The following ZNF280C variants were observed in gnomAD, a reference collection of about 807,000 sequenced individuals.
ZNF280C encodes zinc finger protein 280C.
Under a neutral mutation model 53.6 loss-of-function variants are expected in ZNF280C, and 14 were observed. The observed-to-expected ratio is 0.26, with a 90% CI of 0.17 to 0.41. The LOEUF is 0.41. ZNF280C is among the 10% of genes least tolerant of loss of function. The pLI is 1.00. For missense variants in ZNF280C, 416 were observed against 547.1 expected, an observed-to-expected ratio of 0.76 and a Z score of 2.39; for synonymous variants, 203 against 181.1, an observed-to-expected ratio of 1.12 and a Z score of -0.97.
At chrX:130,260,237 A>C (rs1569441309) in intron 2 of ZNF280C, among the ~76,000 whole-genome samples, 182 bp downstream of exon 2, 1 of 111,383 alleles carries the variant, frequency 9.0e-6, no homozygotes, top group Non-Finnish European at 1.9e-5. Context: ...AGCTGAGATC[A>C]TGCCACTGCA....
In ZNF280C at chrX:130,217,618, T is replaced by G. The variant is rs756234148; in HGVS notation, c.1528-1517A>C. Among the ~76,000 whole-genome samples the G allele has an allele frequency of 2.4e-4, 27 of 112,238 alleles. No individual in the cohort carries two copies. In the South Asian group the frequency reaches 8.4e-3, roughly 35 times the overall value. On this transcript the variant is annotated intron_variant, in intron 13 of 18. Transcript: ENST00000370978. ...ATGAATTATATCTCAATAACACTGT[T>G]ACCAAAAAACCACTGCAATACAAAA... is the stretch of plus-strand genomic sequence containing the variant.
intron 2 of ZNF280C, among the ~76,000 whole-genome samples, chrX:130,255,698 T>C (rs1196818022): frequency 2.7e-5 from 3 of 111,479 alleles, no homozygotes; most frequent in Non-Finnish European, 5.7e-5. Flanking sequence ...CCCAGGCCTG[T>C]AATCCCAGCA....
intron 16 of ZNF280C, 95 bp from the exon 17 acceptor site, chrX:130,205,510 G>A: frequency 1.8e-6 from 1 of 553,356 alleles, no homozygotes; most frequent in African/African-American, 2.3e-5. Context: ...AACTTGATTT[G>A]CATTTTAGTC....
intron 10 of ZNF280C, 23 bp downstream of exon 10, chrX:130,228,954 A>C (rs752912222): frequency 1.8e-6 from 2 of 1,122,006 alleles, no homozygotes; most frequent in East Asian, 6.2e-5. Flanking sequence ...AATATTCAGG[A>C]TTCCAAAGAA....
Position 130,215,873 on chromosome X carries a change from T to C in ZNF280C, c.1756A>G (p.Lys586Glu). ...NTSKPRGRIA[K>E]SKAKPSYKQK... is the part of the protein sequence containing the mutation. ...TTGTAAGAGGGTTTTGCTTTGGACT[T>C]AGCTATACGTCCCCTTGGCTTACTT... The change falls in exon 14 of 19, where the codon AAG (lysine) becomes GAG (glutamate). Residue 586 changes from lysine to glutamate, a missense_variant. By Grantham distance (56) the Lys-to-Glu change is moderately conservative. Coordinates refer to ENST00000370978, the MANE Select transcript of ZNF280C (RefSeq NM_017666.5). The C allele has an allele frequency of 1.2e-5, 14 of 1,211,855 alleles. No homozygotes were observed. The highest frequency in any genetic ancestry group is 1.6e-5 in the Non-Finnish European group (14 of 895,420).
At position 130,215,856 on chromosome X, in the gene ZNF280C, G is replaced by T. The variant is rs771132319; in HGVS notation, c.1773C>A (p.Pro591=). The T allele has an allele frequency of 1.3e-5, 16 of 1,209,263 alleles. No individual in the cohort carries two copies. Among genetic ancestry groups the T allele is most frequent in the Admixed American group, 2.2e-5 (1 of 45,653 alleles). ...TGCGCTGTCGCTTTTGCTTGTAAGAGGGTTTTGCTTTGGACTTAGCTATAC... is the reference window on the plus strand; with the variant it reads ...TGCGCTGTCGCTTTTGCTTGTAAGATGGTTTTGCTTTGGACTTAGCTATAC... ...RGRIAKSKAK[P]SYKQKRQRNR... Residue 591 remains proline (P), a synonymous_variant, in exon 14 of 19, where the codon CCC becomes CCA. Transcript: ENST00000370978.
chrX:130,225,720 A>G (rs1287107132), intron 12 of ZNF280C, among the ~76,000 whole-genome samples: 1 of 110,592 alleles, frequency 9.0e-6, no homozygotes, highest in African/African-American at 3.3e-5. Flanking sequence ...AGGTAATCTG[A>G]ATGTGTTTGG....
chrX:130,241,144 A>G (rs1239920851), intron 5 of ZNF280C, among the ~76,000 whole-genome samples: 2 of 111,882 alleles, frequency 1.8e-5, no homozygotes, highest in Non-Finnish European at 3.8e-5. Context: ...TTTAAAAGAG[A>G]TAATAATAAT....
chrX:130,215,401 A>G, intron 14 of ZNF280C, 68 bp from the exon 15 acceptor site: 1 of 1,007,493 alleles, frequency 9.9e-7, no homozygotes, highest in Non-Finnish European at 1.3e-6. Flanking sequence ...AAATCTTATT[A>G]ACATTTTATT....
intron 2 of ZNF280C, among the ~76,000 whole-genome samples, chrX:130,258,659 T>C (rs1344662837): frequency 1.8e-5 from 2 of 112,376 alleles, no homozygotes; most frequent in Admixed American, 1.9e-4. Flanking sequence ...CAATTAAAAG[T>C]ATTAATTCAT....
chrX:130,227,676 G>A lies in ZNF280C; in HGVS notation c.1248+6C>T. ...CACTTAACTACACAATAAAATGTGT[G>A]TGTACCTGGCAAACATATGGCATTT... On this transcript the variant is annotated splice_donor_region_variant and intron_variant, in intron 11 of 18. Coordinates refer to ENST00000370978, the MANE Select transcript of ZNF280C (RefSeq NM_017666.5). The A allele has an allele frequency of 8.8e-7, 1 of 1,142,008 alleles. No individual in the cohort carries two copies. The highest frequency in any genetic ancestry group is 1.2e-6 in the Non-Finnish European group (1 of 832,882). 94.1% of individuals were successfully genotyped at this position (1,142,008 alleles called of 1,213,427 possible).
At chrX:130,212,625 T>TG (rs36052512) in intron 15 of ZNF280C, among the ~76,000 whole-genome samples, 10 of 18,838 alleles carry the variant, frequency 5.3e-4, no homozygotes, top group African/African-American at 1.7e-3. Flanking sequence ...CGTTGGGGGG[T>TG]GGGGGGGTGA....
At position 130,229,044 on chromosome X, in the gene ZNF280C, C is replaced by T; in HGVS notation, c.1080G>A (p.Arg360=). The change falls in exon 10 of 19, where the codon CGG becomes CGA. Residue 360 remains arginine, a synonymous_variant. Coordinates refer to ENST00000370978, the MANE Select transcript of ZNF280C (RefSeq NM_017666.5). ...GCAGTTGGAAGGGTGTGGGATATTGCCGGTAACAGTGCTGGCAGGTGGTGT... is the reference window on the plus strand; with the variant it reads ...GCAGTTGGAAGGGTGTGGGATATTGTCGGTAACAGTGCTGGCAGGTGGTGT... ...ENHTTCQHCY[R]QYPTPFQLQC... 1 of 1,208,935 alleles carries T rather than the reference C, an allele frequency of 8.3e-7. No homozygotes were observed. The highest frequency in any genetic ancestry group is 1.1e-6 in the Non-Finnish European group (1 of 894,007).
chrX:130,231,918 T>A (rs2032280782), intron 8 of ZNF280C, among the ~76,000 whole-genome samples: 1 of 108,074 alleles, frequency 9.3e-6, no homozygotes, highest in Non-Finnish European at 1.9e-5. Context: ...TCCCAGCTAC[T>A]CAGGAGGCTG....
chrX:130,255,126 ATTTTCTTTTT>A (rs1165153268), intron 2 of ZNF280C, among the ~76,000 whole-genome samples: 196 of 104,710 alleles, frequency 1.9e-3, no homozygotes, highest in African/African-American at 3.8e-3. Context: ...TAGAAAAATC[ATTTTCTTTTT>A]TTTTCTTTTT....
chrX:130,230,368 T>C (rs1205013341), intron 9 of ZNF280C, 142 bp downstream of exon 9: 1 of 383,685 alleles, frequency 2.6e-6, no homozygotes, highest in Admixed American at 5.4e-5. Flanking sequence ...AACAAAAGCT[T>C]TTCAACATGA....
chrX:130,218,088 G>A (rs5932728), intron 13 of ZNF280C, among the ~76,000 whole-genome samples: 55,367 of 110,044 alleles, frequency 0.5, 10,819 homozygotes, highest in African/African-American at 0.72. Flanking sequence ...CTTGAGCCTC[G>A]GAGGCAGAGG....
chrX:130,213,188 C>T (rs1439351084), intron 15 of ZNF280C, among the ~76,000 whole-genome samples: 1 of 110,510 alleles, frequency 9.0e-6, no homozygotes, highest in East Asian at 2.8e-4. Flanking sequence ...CCCGTCTCTA[C>T]TACAGATACA....
chrX:130,236,488 G>A lies in ZNF280C; in HGVS notation c.645C>T (p.Ser215=), dbSNP rs199897285. The A allele has an allele frequency of 1.1e-3, 1,321 of 1,198,487 alleles. 1 individual carries two copies. The highest frequency in any genetic ancestry group is 4.1e-3 in the South Asian group (223 of 53,929). The change falls in exon 7 of 19, where the codon TCC becomes TCT. Residue 215 remains serine (S), a synonymous_variant. Coordinates refer to ENST00000370978, the MANE Select transcript of ZNF280C (RefSeq NM_017666.5). The stretch of plus-strand genomic sequence containing the variant: ...GTTTACCTTTTGACAGCATAACTTG[G>A]GAGGATGTCACTGGAGGAGAGCCAA... ...PLIGSPPVTS[S]QVMLSKGTNT... is the part of the protein sequence containing the mutation.
Sources: gnomAD v4.1 joint callset for allele counts (sites outside exome capture counted in the v4.1 genomes callset) on GRCh38, gnomAD v4.1.1 for gene constraint, MANE v1.5 for transcripts, NCBI Gene and HGNC (gene_info 2026-07-23, HGNC 2026-07-21) for gene names.